The following OPCML variants were observed in gnomAD, a reference collection of about 807,000 sequenced individuals.
OPCML encodes the protein opioid-binding protein/cell adhesion molecule.
Under a neutral mutation model 37.8 loss-of-function variants are expected in OPCML, and 13 were observed. The ratio of observed to expected loss-of-function variants is 0.34; its 90% confidence interval spans 0.22 to 0.55. The LOEUF is 0.55. OPCML is among the 20% of genes least tolerant of loss of function. OPCML has a pLI of 0.91. For missense variants in OPCML, 341 were observed against 435.6 expected (o/e 0.78, Z 1.93); for synonymous variants, 176 against 168.8 (o/e 1.04, Z -0.33).
chr11:133,471,122 C>T (rs1947102437), intron 1 of OPCML, among the ~76,000 whole-genome samples: 1 of 152,138 alleles, frequency 6.6e-6, no homozygotes, highest in Non-Finnish European at 1.5e-5. Flanking sequence ...AGACAGCTAG[C>T]AATACAGGAA....
At chr11:133,058,552 T>C (rs916442235) in intron 1 of OPCML, among the ~76,000 whole-genome samples, 1 of 152,198 alleles carries the variant, frequency 6.6e-6, no homozygotes, top group Non-Finnish European at 1.5e-5. Context: ...TTCTGTTTTA[T>C]GATGCACCTC....
At chr11:133,236,928 C>T (rs1940543018) in intron 1 of OPCML, among the ~76,000 whole-genome samples, 1 of 152,188 alleles carries the variant, frequency 6.6e-6, no homozygotes, top group African/African-American at 2.4e-5. Context: ...ACCCTGTCTC[C>T]TTTGTTCAAT....
chr11:133,110,362 A>T (rs1949230946), intron 1 of OPCML, among the ~76,000 whole-genome samples: 1 of 152,168 alleles, frequency 6.6e-6, no homozygotes, highest in South Asian at 2.1e-4. Flanking sequence ...GAGTACAGAA[A>T]ATATGTGTCC....
At chr11:132,875,732 G>A (rs1290655333) in intron 2 of OPCML, among the ~76,000 whole-genome samples, 3 of 152,036 alleles carry the variant, frequency 2.0e-5, no homozygotes, top group African/African-American at 4.8e-5. Flanking sequence ...CAAAGTGCTG[G>A]GATTATAGGT....
chr11:132,706,829 G>C (rs767526857), intron 2 of OPCML, among the ~76,000 whole-genome samples: 3 of 152,156 alleles, frequency 2.0e-5, no homozygotes, highest in Non-Finnish European at 4.4e-5. Flanking sequence ...TGTTTGAGTT[G>C]TACATGAATA....
intron 1 of OPCML, among the ~76,000 whole-genome samples, chr11:133,319,725 C>G (rs896610144): frequency 6.6e-6 from 1 of 152,144 alleles, no homozygotes; most frequent in Non-Finnish European, 1.5e-5. Flanking sequence ...TCAAAAGAGA[C>G]GGACACAGCA....
At chr11:132,777,835 C>T (rs774257680) in intron 2 of OPCML, among the ~76,000 whole-genome samples, 42 of 152,218 alleles carry the variant, frequency 2.8e-4, no homozygotes, top group South Asian at 6.2e-4. Context: ...TGTTTAAAGG[C>T]GCAGACCACT....
chr11:132,451,249 G>T lies in OPCML; in HGVS notation c.506-13890C>A, dbSNP rs565831181. On this transcript the variant is annotated intron_variant, in intron 4 of 7. Coordinates refer to ENST00000524381, the MANE Select transcript of OPCML (RefSeq NM_001012393.5). The stretch of plus-strand genomic sequence containing the variant: ...GAACATAATTTTTCTATCACCAGCA[G>T]ATTGTAAATGGGGGCTACAGCTCAT... 3.9e-4 allele frequency among the ~76,000 whole-genome samples: 59 copies of T among 152,266 alleles called. No individual in the cohort carries two copies. The South Asian group carries it at 8.5e-3, about 22-fold the overall frequency.
intron 3 of OPCML, among the ~76,000 whole-genome samples, chr11:132,569,714 A>G (rs2096432828): frequency 6.6e-6 from 1 of 152,180 alleles, no homozygotes; most frequent in African/African-American, 2.4e-5. Flanking sequence ...AAATCTTTAA[A>G]ACTATCAGAG....
intron 2 of OPCML, among the ~76,000 whole-genome samples, chr11:132,743,440 T>G (rs535721263): frequency 6.6e-6 from 1 of 152,290 alleles, no homozygotes. Flanking sequence ...GAAGGAAGGA[T>G]TATGGGAAGG....
At chr11:133,315,889 C>T (rs779748036) in intron 1 of OPCML, among the ~76,000 whole-genome samples, 19 of 152,280 alleles carry the variant, frequency 1.2e-4, no homozygotes, top group Middle Eastern at 3.4e-3. Flanking sequence ...TGAACTAATT[C>T]GACAAATGTT....
chr11:133,301,213 T>C (rs1236016677), intron 1 of OPCML: 3 of 152,184 alleles, frequency 2.0e-5, no homozygotes, highest in Non-Finnish European at 4.4e-5. Context: ...ATGCATGGTA[T>C]TTTAGTCTTT....
intron 1 of OPCML, among the ~76,000 whole-genome samples, chr11:133,521,752 T>C (rs1328504873): frequency 2.0e-5 from 3 of 152,210 alleles, no homozygotes; most frequent in Non-Finnish European, 4.4e-5. Flanking sequence ...TCTGCCACAT[T>C]CTCTCTTCCA....
At chr11:133,128,147 C>A (rs918548279) in intron 1 of OPCML, among the ~76,000 whole-genome samples, 13 of 152,252 alleles carry the variant, frequency 8.5e-5, no homozygotes, top group African/African-American at 3.1e-4. Context: ...TCCAGCACCT[C>A]ACAGTGACTG....
At chr11:133,237,086 C>T (rs1017675947) in intron 1 of OPCML, among the ~76,000 whole-genome samples, 1 of 152,182 alleles carries the variant, frequency 6.6e-6, no homozygotes, top group Non-Finnish European at 1.5e-5. Context: ...GAGTCCTCTG[C>T]CTGAGCTGAG....
intron 1 of OPCML, among the ~76,000 whole-genome samples, chr11:133,280,127 T>C (rs1942104399): frequency 6.6e-6 from 1 of 152,226 alleles, no homozygotes; most frequent in African/African-American, 2.4e-5. Context: ...TTTATAATCA[T>C]CAGGCAAAAT....
chr11:132,506,090 C>A lies in OPCML; in HGVS notation c.505+22971G>T, dbSNP rs111285074. ...AAGACCTCAGCTTGCTCTACTTCAT[C>A]ACTAAATGCCAAATATAATGAAGGG... On this transcript the variant is annotated intron_variant, in intron 4 of 7. Coordinates refer to ENST00000524381, the MANE Select transcript of OPCML (RefSeq NM_001012393.5). 7.3e-3 allele frequency among the ~76,000 whole-genome samples: 1,105 copies of A among 152,220 alleles called. 7 individuals are homozygous for A. Among genetic ancestry groups the A allele is most frequent in the African/African-American group, 0.025 (1,026 of 41,550 alleles).
intron 3 of OPCML, among the ~76,000 whole-genome samples, chr11:132,612,375 G>A (rs1298676331): frequency 6.6e-6 from 1 of 152,174 alleles, no homozygotes; most frequent in Non-Finnish European, 1.5e-5. Context: ...AATTAATACA[G>A]CTTTCCATTT....
At chr11:132,461,758 C>T (rs537698925) in intron 4 of OPCML, among the ~76,000 whole-genome samples, 2 of 152,184 alleles carry the variant, frequency 1.3e-5, no homozygotes, top group East Asian at 3.9e-4. Flanking sequence ...AAGAAATTTA[C>T]AATCATGGCA....
Sources: gnomAD v4.1 joint callset for allele counts (sites outside exome capture counted in the v4.1 genomes callset) on GRCh38, gnomAD v4.1.1 for gene constraint, MANE v1.5 for transcripts, NCBI Gene and HGNC (gene_info 2026-07-23, HGNC 2026-07-21) for gene names.